The following SYTL3 variants were observed in gnomAD, a reference collection of about 807,000 sequenced individuals.
The protein encoded by SYTL3 is synaptotagmin-like protein 3.
SYTL3 carries 88 observed loss-of-function variants against 82.1 expected under a neutral mutation model. That is an observed-to-expected ratio of 1.07 (90% CI 0.90 to 1.28). The LOEUF is 1.28. SYTL3 is among the 50% of genes most tolerant of loss of function. The pLI, the probability that SYTL3 is intolerant of heterozygous loss-of-function variation, is 0.00. For missense variants in SYTL3, 831 were observed against 757.6 expected (o/e 1.10, Z -1.14); for synonymous variants, 311 against 289.4 (o/e 1.07, Z -0.76).
intron 12 of SYTL3, among the ~76,000 whole-genome samples, chr6:158,751,486 A>G (rs1788377176): frequency 6.6e-6 from 1 of 152,196 alleles, no homozygotes; most frequent in Admixed American, 6.5e-5. Context: ...AGAGTCTTTG[A>G]GGCCCCTGCA....
rs531370011 is a variant in SYTL3 at position 158,730,922 on chromosome 6, A to G, written c.855+5285A>G. ...AGTATTCCTTAGTCAGGATGTCTTA[A>G]GGGTTAAAAAGAGGTGAAAAGTCCC... On this transcript the variant is annotated intron_variant, in intron 11 of 17. Coordinates refer to ENST00000611299, the MANE Select transcript of SYTL3 (RefSeq NM_001242394.2). Among the ~76,000 whole-genome samples the G allele has an allele frequency of 2.9e-3, 446 of 152,326 alleles. 1 individual carries two copies. Among genetic ancestry groups the G allele is most frequent in the African/African-American group, 0.01 (428 of 41,572 alleles).
intron 6 of SYTL3, among the ~76,000 whole-genome samples, chr6:158,701,174 A>ACTGTCT (rs1174100414): frequency 2.1e-4 from 27 of 129,600 alleles, no homozygotes; most frequent in South Asian, 1.0e-3. Context: ...TAGATGAAGG[A>ACTGTCT]GGTGAGCTGG....
chr6:158,659,544 AG>A (rs1789110768), intron 2 of SYTL3, among the ~76,000 whole-genome samples: 1 of 152,126 alleles, frequency 6.6e-6, no homozygotes, highest in South Asian at 2.1e-4. Context: ...TAGTAGAGAC[AG>A]GGTTTCACCA....
intron 7 of SYTL3, among the ~76,000 whole-genome samples, chr6:158,707,713 T>C (rs1782256872): frequency 6.6e-6 from 1 of 152,220 alleles, no homozygotes; most frequent in Admixed American, 6.5e-5. Flanking sequence ...AGATGTGAAC[T>C]TCTTTGCACA....
intron 10 of SYTL3, among the ~76,000 whole-genome samples, chr6:158,724,204 T>G (rs1019856694): frequency 2.0e-5 from 3 of 152,240 alleles, no homozygotes; most frequent in Non-Finnish European, 4.4e-5. Flanking sequence ...CTTTCTTCTC[T>G]CTTCCTCCCC....
chr6:158,713,551 C>T (rs1379447372), intron 8 of SYTL3, among the ~76,000 whole-genome samples: 2 of 152,170 alleles, frequency 1.3e-5, no homozygotes, highest in South Asian at 2.1e-4. Flanking sequence ...TGATAATGCT[C>T]CTTCAATGTG....
chr6:158,665,019 T>G (rs1789857798), intron 4 of SYTL3, among the ~76,000 whole-genome samples: 1 of 152,258 alleles, frequency 6.6e-6, no homozygotes. Flanking sequence ...CAGATTAGAA[T>G]GGATGCTCCT....
chr6:158,743,344 A>G (rs904895737), intron 11 of SYTL3, among the ~76,000 whole-genome samples: 1 of 152,132 alleles, frequency 6.6e-6, no homozygotes, highest in African/African-American at 2.4e-5. Context: ...CAGCTCTACA[A>G]TCTCTTGAAA....
In SYTL3 at chr6:158,711,146, A is replaced by G. The variant is rs1268978018; in HGVS notation, c.517-2654A>G. On this transcript the variant is annotated intron_variant, in intron 8 of 17. Coordinates refer to ENST00000611299, the MANE Select transcript of SYTL3 (RefSeq NM_001242394.2). Reference sequence around the variant, plus strand: ...GCTGGTTCTTGCTCCAGTCGTTGCAATTAAGCCATTTCCTACTTTTGCAAC... The same window carrying G: ...GCTGGTTCTTGCTCCAGTCGTTGCAGTTAAGCCATTTCCTACTTTTGCAAC... 3.3e-5 allele frequency among the ~76,000 whole-genome samples: 5 copies of G among 152,224 alleles called. No homozygotes were observed. The East Asian group carries it at 7.7e-4, about 23-fold the overall frequency.
intron 14 of SYTL3, among the ~76,000 whole-genome samples, chr6:158,759,796 G>A (rs1789660875): frequency 6.6e-6 from 1 of 152,196 alleles, no homozygotes; most frequent in African/African-American, 2.4e-5. Context: ...CTCCCAAAGT[G>A]CTGGGATTAC....
At chr6:158,711,598 G>A (rs1462356118) in intron 8 of SYTL3, among the ~76,000 whole-genome samples, 1 of 152,208 alleles carries the variant, frequency 6.6e-6, no homozygotes, top group Non-Finnish European at 1.5e-5. Context: ...AGAATGCAGG[G>A]CGAGTCCACA....
intron 7 of SYTL3, among the ~76,000 whole-genome samples, chr6:158,708,054 A>G (rs1782308520): frequency 6.6e-6 from 1 of 152,142 alleles, no homozygotes; most frequent in African/African-American, 2.4e-5. Context: ...AGGCCGGAGC[A>G]CCCAGGCTGT....
intron 11 of SYTL3, among the ~76,000 whole-genome samples, chr6:158,742,286 C>T (rs1317464857): frequency 1.3e-5 from 2 of 152,198 alleles, no homozygotes; most frequent in African/African-American, 4.8e-5. Flanking sequence ...AATGCAAAAA[C>T]TGCAATTATT....
At chr6:158,656,737 A>AG (rs985431440) in intron 2 of SYTL3, among the ~76,000 whole-genome samples, 2 of 151,946 alleles carry the variant, frequency 1.3e-5, no homozygotes, top group African/African-American at 4.8e-5. Context: ...AAAAAAAAAA[A>AG]TCATCCACCT....
intron 6 of SYTL3, among the ~76,000 whole-genome samples, chr6:158,698,311 C>T (rs1379729116): frequency 2.0e-5 from 3 of 149,634 alleles, no homozygotes; most frequent in Non-Finnish European, 3.0e-5. Flanking sequence ...GCAGGAGAAT[C>T]GCTTGAACAC....
At position 158,665,376 on chromosome 6, in the gene SYTL3, T is replaced by C. The variant is rs995325636; in HGVS notation, c.111-19T>C. The C allele has an allele frequency of 9.6e-6, 15 of 1,560,000 alleles. No homozygotes were observed. In the African/African-American group the frequency reaches 1.5e-4, roughly 16 times the overall value. The stretch of plus-strand genomic sequence containing the variant: ...GGTGTTCCATCTAATACTATCTTCT[T>C]TAACTCTGAGGGCTGCAGGAAACTG... On this transcript the variant is annotated intron_variant, in intron 4 of 17. Coordinates refer to ENST00000611299, the MANE Select transcript of SYTL3 (RefSeq NM_001242394.2).
intron 11 of SYTL3, among the ~76,000 whole-genome samples, chr6:158,733,428 G>A (rs1446122310): frequency 2.0e-5 from 3 of 151,954 alleles, no homozygotes; most frequent in South Asian, 4.2e-4. Flanking sequence ...CCAGGTTCAC[G>A]CCATTCTTCT....
chr6:158,726,462 A>G (rs1052567574), intron 11 of SYTL3: 4 of 193,390 alleles, frequency 2.1e-5, no homozygotes, highest in East Asian at 1.7e-4. Flanking sequence ...ATGCCTCCCA[A>G]TAGGCCTTGA....
At chr6:158,669,266 A>G (rs1302783063) in intron 5 of SYTL3, among the ~76,000 whole-genome samples, 3 of 152,240 alleles carry the variant, frequency 2.0e-5, no homozygotes, top group African/African-American at 7.2e-5. Flanking sequence ...TTCCACATCT[A>G]AAAGAAACCT....
Sources: allele counts gnomAD v4.1 joint callset (sites outside exome capture counted in the v4.1 genomes callset), GRCh38; gene constraint gnomAD v4.1.1; transcripts MANE v1.5; gene names NCBI Gene and HGNC (gene_info 2026-07-23, HGNC 2026-07-21).